RFC2: variants seen among roughly 807,000 people sequenced by gnomAD.
RFC2 encodes the protein replication factor C subunit 2.
A neutral mutation model predicts 44.8 loss-of-function variants in RFC2; 34 were observed. The ratio of observed to expected loss-of-function variants is 0.76; its 90% CI spans 0.58 to 1.01. The LOEUF is 1.01. Among genes scored for constraint, RFC2 ranks in the 50% least tolerant of loss-of-function variants. The probability of loss-of-function intolerance (pLI) is 0.00; values close to 1 mark genes in which losing one functional copy is unlikely to be tolerated. For synonymous variants in RFC2, 177 were observed against 168.9 expected (o/e 1.05, Z -0.37); for missense variants, 400 against 453.6 (o/e 0.88, Z 1.07).
intron 10 of RFC2, among the ~76,000 whole-genome samples, chr7:74,233,604 T>TG (rs1563984285): frequency 2.0e-5 from 3 of 148,026 alleles, no homozygotes; most frequent in Non-Finnish European, 3.0e-5. Context: ...GGTTTTTTTT[T>TG]TTTTTTTTTT....
At chr7:74,233,433 A>G (rs984732513) in intron 10 of RFC2, among the ~76,000 whole-genome samples, 1 of 152,182 alleles carries the variant, frequency 6.6e-6, no homozygotes, top group Admixed American at 6.5e-5. Context: ...TAAAAATTTT[A>G]AAAAATGGGT....
At chr7:74,251,353 C>T (rs1417323936) in intron 2 of RFC2, among the ~76,000 whole-genome samples, 1 of 152,170 alleles carries the variant, frequency 6.6e-6, no homozygotes, top group Non-Finnish European at 1.5e-5. Context: ...CCACACCCAG[C>T]TCATTCTTAA....
rs1195387379 is a variant in RFC2 at position 74,238,513 on chromosome 7, G to C, written c.759+410C>G. On this transcript the variant is annotated intron_variant, in intron 8 of 10. Coordinates refer to ENST00000055077, the MANE Select transcript of RFC2 (RefSeq NM_181471.3). The surrounding 1 kb of genome is among the most constrained non-coding windows in gnomAD (Gnocchi z 4.0). ...CATTGCAGAAAAAACCCAGGGTGTG[G>C]GGTCTGAAGGCTACTGGGGAACAGC... Among the ~76,000 whole-genome samples, 1 of 152,046 alleles carries C rather than the reference G, an allele frequency of 6.6e-6. No homozygotes were observed. The highest frequency in any genetic ancestry group is 6.6e-5 in the Admixed American group (1 of 15,258).
intron 5 of RFC2, among the ~76,000 whole-genome samples, chr7:74,246,411 A>C (rs998420696): frequency 2.0e-5 from 3 of 151,752 alleles, no homozygotes; most frequent in African/African-American, 7.3e-5. Context: ...AAAAAAAAAA[A>C]AACAAAAACC....
intron 5 of RFC2, 55 bp from the exon 6 acceptor site, chr7:74,243,301 T>C: frequency 2.5e-6 from 3 of 1,210,412 alleles, no homozygotes; most frequent in Non-Finnish European, 3.7e-6. Flanking sequence ...GTGACACAAA[T>C]CGTTCCCTAT....
intron 10 of RFC2, chr7:74,233,955 T>C (rs782757326): frequency 1.1e-5 from 5 of 451,468 alleles, no homozygotes; most frequent in African/African-American, 4.0e-5. Context: ...GGGAACTTAC[T>C]TGGGAAAAAG....
chr7:74,249,969 C>T (rs1162267823), intron 2 of RFC2, 189 bp from the exon 3 acceptor site: 1 of 616,890 alleles, frequency 1.6e-6, no homozygotes, highest in Non-Finnish European at 3.0e-6. Flanking sequence ...CTGGGCAACA[C>T]AGTGAGACTC....
intron 6 of RFC2, among the ~76,000 whole-genome samples, chr7:74,240,682 C>T (rs546952334): frequency 2.0e-4 from 31 of 152,302 alleles, no homozygotes; most frequent in African/African-American, 7.2e-4. Context: ...ATGTGCCTGC[C>T]ACAAGCTGTT....
rs1041983225 is a variant in RFC2 at position 74,238,779 on chromosome 7, C to A, written c.759+144G>T. ...CAGCAAAGCAGCAATAGGGAGAGGA[C>A]AGACGGGAGCAGGGTGGGCTCCCTG... is the stretch of plus-strand genomic sequence containing the variant. On this transcript the variant is annotated intron_variant, in intron 8 of 10. Transcript: ENST00000055077. This position sits in a 1 kb window ranked among gnomAD's most constrained non-coding sequence, Gnocchi z 4.0. The A allele has an allele frequency of 1.5e-6, 1 of 647,466 alleles. No homozygotes were observed. Among genetic ancestry groups the A allele is most frequent in the Non-Finnish European group, 2.8e-6 (1 of 360,614 alleles). The allele number at this position is 647,466 out of a possible 1,614,324, so 40.1% of individuals were successfully genotyped here.
chr7:74,233,418 A>G (rs1371174988), intron 10 of RFC2, among the ~76,000 whole-genome samples: 3 of 152,160 alleles, frequency 2.0e-5, no homozygotes, highest in Non-Finnish European at 4.4e-5. Context: ...TTAAAATAAA[A>G]AATGTAAAAA....
intron 4 of RFC2, 148 bp from the exon 5 acceptor site, chr7:74,246,911 G>A: frequency 2.1e-6 from 1 of 482,010 alleles, no homozygotes; most frequent in Non-Finnish European, 3.7e-6. Context: ...CTATTTATAA[G>A]GATTGAGATT....
rs536127635 is a variant in RFC2, at chr7:74,238,064, C to T, written c.760-622G>A. Among the ~76,000 whole-genome samples the T allele has an allele frequency of 6.6e-6, 1 of 152,208 alleles. No homozygotes were observed. Among genetic ancestry groups the T allele is most frequent in the Non-Finnish European group, 1.5e-5 (1 of 68,000 alleles). ...ACCCACACCTGCCCTTGCCTTTTCC[C>T]GGTGGAAGCCATGGTTTCCTGAGCC... On this transcript the variant is annotated intron_variant, in intron 8 of 10. Transcript: ENST00000055077. This position sits in a 1 kb window ranked among gnomAD's most constrained non-coding sequence, Gnocchi z 4.0.
chr7:74,249,308 A>G (rs2116335613), intron 3 of RFC2, 190 bp from the exon 4 acceptor site: 6 of 982,198 alleles, frequency 6.1e-6, no homozygotes, highest in South Asian at 6.0e-5. Flanking sequence ...TGGGAGGCCA[A>G]GGCGGGCAGA....
chr7:74,248,580 T>C (rs967107767), intron 4 of RFC2, among the ~76,000 whole-genome samples: 8 of 151,872 alleles, frequency 5.3e-5, no homozygotes, highest in Non-Finnish European at 2.9e-5. Flanking sequence ...CAGCTCACTG[T>C]AACCTCCTTC....
At chr7:74,245,230 T>C (rs1412305124) in intron 5 of RFC2, among the ~76,000 whole-genome samples, 1 of 151,544 alleles carries the variant, frequency 6.6e-6, no homozygotes, top group East Asian at 2.0e-4. Context: ...AGTTTCTCCA[T>C]GTTGGTCTCC....
At chr7:74,251,094 A>G (rs1786912379) in intron 2 of RFC2, among the ~76,000 whole-genome samples, 1 of 151,574 alleles carries the variant, frequency 6.6e-6, no homozygotes, top group African/African-American at 2.4e-5. Context: ...GCCCTATTAA[A>G]ACATTTTTCC....
At position 74,238,915 on chromosome 7, in the gene RFC2, G is replaced by A. The variant is rs1805390; in HGVS notation, c.759+8C>T. ...TGCTGACAGTACCACCCACACTAGC[G>A]CTTGTACCTTGAACACGTTCTCACT... On this transcript the variant is annotated splice_region_variant and intron_variant, in intron 8 of 10. Coordinates refer to ENST00000055077, the MANE Select transcript of RFC2 (RefSeq NM_181471.3). This position sits in a 1 kb window ranked among gnomAD's most constrained non-coding sequence, Gnocchi z 4.0. The A allele has an allele frequency of 4.2e-3, 6,769 of 1,611,046 alleles. 239 individuals are homozygous for A. The African/African-American group carries it at 0.076, about 18-fold the overall frequency.
chr7:74,250,773 A>G (rs902443874), intron 2 of RFC2, among the ~76,000 whole-genome samples: 2 of 152,026 alleles, frequency 1.3e-5, no homozygotes, highest in Non-Finnish European at 2.9e-5. Context: ...CCACTTTCCT[A>G]AAGTACACAC....
At chr7:74,253,087 G>C (rs960075345) in intron 1 of RFC2, among the ~76,000 whole-genome samples, 1 of 152,168 alleles carries the variant, frequency 6.6e-6, no homozygotes, top group African/African-American at 2.4e-5. Context: ...AGGTCATCTG[G>C]AGCAATGTGA....
Sources: allele counts gnomAD v4.1 joint callset (sites outside exome capture counted in the v4.1 genomes callset), GRCh38; gene constraint gnomAD v4.1.1; non-coding constraint Gnocchi (gnomAD v3.1); transcripts MANE v1.5; gene names NCBI Gene and HGNC (gene_info 2026-07-23, HGNC 2026-07-21).